The following DMRT2 variants were observed in gnomAD, a reference collection of about 807,000 sequenced individuals.
DMRT2 encodes doublesex- and mab-3-related transcription factor 2.
DMRT2 carries 33 observed loss-of-function variants against 43.5 expected under a neutral mutation model. The ratio of observed to expected loss-of-function variants is 0.76; its 90% CI spans 0.58 to 1.01. The LOEUF (loss-of-function observed/expected upper bound fraction) is 1.01. Ranked by LOEUF, DMRT2 falls within the 50% of genes least tolerant of loss-of-function variation. The probability of loss-of-function intolerance (pLI) is 0.00; values close to 1 mark genes in which losing one functional copy is unlikely to be tolerated. For synonymous variants in DMRT2, 395 were observed against 309.2 expected, an observed-to-expected ratio of 1.28 and a Z score of -2.91; for missense variants, 1,064 against 748.0, an observed-to-expected ratio of 1.42 and a Z score of -4.93.
At position 1,057,303 on chromosome 9, in the gene DMRT2, C is replaced by G. The variant is rs760926881; in HGVS notation, c.*30C>G. 5.7e-6 allele frequency: 9 copies of G among 1,580,996 alleles called. No homozygotes were observed. Among genetic ancestry groups the G allele is most frequent in the Non-Finnish European group, 6.9e-6 (8 of 1,166,848 alleles). On this transcript the variant is annotated 3_prime_UTR_variant, in exon 4 of 4. Coordinates refer to ENST00000358146, the MANE Select transcript of DMRT2 (RefSeq NM_181872.6). ...CTGCTTAAACAGAAAGCTGGATTTT[C>G]TGCAGTCTTAGAGCATTATAGCCAT...
Position 1,051,529 on chromosome 9 carries a change from C to A in DMRT2, c.-44-41C>A. ...CCGGAGGCTCAGGGATGGTCCCTGA[C>A]GGCGGCCGGTGGGTCTTTGGATTTC... On this transcript the variant is annotated intron_variant, in intron 1 of 3. Coordinates refer to ENST00000358146, the MANE Select transcript of DMRT2 (RefSeq NM_181872.6). The surrounding 1 kb of genome is among the most constrained non-coding windows in gnomAD (Gnocchi z 5.9). The A allele has an allele frequency of 1.4e-6, 2 of 1,424,662 alleles. No homozygotes were observed. Among genetic ancestry groups the A allele is most frequent in the Non-Finnish European group, 1.8e-6 (2 of 1,099,202 alleles). The allele number at this position is 1,424,662 out of a possible 1,614,324, so 88.3% of individuals were successfully genotyped here.
chr9:1,055,578 C>T (rs1466817417), intron 3 of DMRT2: 1 of 677,964 alleles, frequency 1.5e-6, no homozygotes, highest in African/African-American at 1.9e-5. Flanking sequence ...GGGAAGGGGC[C>T]TGGTTAAATT....
chr9:1,055,722 T>A, intron 3 of DMRT2: 1 of 1,492,932 alleles, frequency 6.7e-7, no homozygotes. Flanking sequence ...TTTTTCCTAG[T>A]TCTCCTTGGA....
At chr9:1,055,540 A>T (rs1332311404) in intron 3 of DMRT2, among the ~76,000 whole-genome samples, 1 of 138,964 alleles carries the variant, frequency 7.2e-6, no homozygotes, top group South Asian at 2.3e-4. Context: ...GTTTTATTTT[A>T]TTTTATTTTT....
At chr9:1,052,163 T>A in intron 2 of DMRT2, 25 bp downstream of exon 2, 1 of 1,344,058 alleles carries the variant, frequency 7.4e-7, no homozygotes. Context: ...GGCCCGGGCG[T>A]CTCAGGCCAC....
In DMRT2 at chr9:1,056,884, C is replaced by G. The variant is rs370513290; in HGVS notation, c.1297C>G (p.Arg433Gly). The change falls in exon 4 of 4, where the codon CGA becomes GGA. Residue 433 changes from arginine to glycine, a missense_variant. Transcript: ENST00000358146. ...AGAGAGGTCCGCGTTCTCCCCACCCCGACGGAATTTCTCTCCCATTGTTGA... is the reference window on the plus strand; with the variant it reads ...AGAGAGGTCCGCGTTCTCCCCACCCGGACGGAATTTCTCTCCCATTGTTGA... ...VPERSAFSPPRRNFSPIVDTD... is the reference protein window; with the variant it reads ...VPERSAFSPPGRNFSPIVDTD... 2 of 1,614,170 alleles carry G rather than the reference C, an allele frequency of 1.2e-6. No homozygotes were observed. Among genetic ancestry groups the G allele is most frequent in the Non-Finnish European group, 1.7e-6 (2 of 1,180,042 alleles).
rs1208693338 is a variant in DMRT2, at chr9:1,056,570, T to C, written c.983T>C (p.Val328Ala). 2 of 1,614,144 alleles carry C rather than the reference T, an allele frequency of 1.2e-6. No homozygotes were observed. Among genetic ancestry groups the C allele is most frequent in the Non-Finnish European group, 1.7e-6 (2 of 1,180,054 alleles). ...NMELISSNVS[V>A]ATTYRQYPLS... is the part of the protein sequence containing the mutation. Reference sequence around the variant, plus strand: ...GAACTAATTTCTTCTAATGTCAGCGTGGCCACAACTTATAGACAGTATCCC... The same window carrying C: ...GAACTAATTTCTTCTAATGTCAGCGCGGCCACAACTTATAGACAGTATCCC... The change falls in exon 4 of 4, where the codon GTG becomes GCG. Residue 328 changes from valine to alanine, a missense_variant. Val to Ala is a moderately conservative substitution (Grantham distance 64). Coordinates refer to ENST00000358146, the MANE Select transcript of DMRT2 (RefSeq NM_181872.6).
Position 1,057,082 on chromosome 9 carries a change from A to AC in DMRT2, c.1499dup (p.Lys501Ter). The AC allele has an allele frequency of 6.2e-7, 1 of 1,614,132 alleles. No homozygotes were observed. On this transcript the variant is annotated frameshift_variant, in exon 4 of 4. Coordinates refer to ENST00000358146, the MANE Select transcript of DMRT2 (RefSeq NM_181872.6). LOFTEE classifies it high-confidence loss of function. The stretch of plus-strand genomic sequence containing the variant: ...ATTTGTCAAAGAGGCCTTTGAAGAG[A>AC]CCCCTAAGAAACACAGAGAGTGTTT...
At position 1,051,987 on chromosome 9, in the gene DMRT2, G is replaced by A; in HGVS notation, c.374G>A (p.Arg125His). Reference protein sequence around the residue: ...RKLSRTPKCARCRNHGVVSCL... With the variant: ...RKLSRTPKCAHCRNHGVVSCL... ...CTGAGCCGCACGCCCAAGTGCGCGC[G>A]CTGCCGCAACCACGGCGTGGTGTCC... Residue 125 changes from arginine (R) to histidine (H), a missense_variant, in exon 2 of 4, where the codon CGC (arginine) becomes CAC (histidine). Physicochemically the swap from Arg to His is conservative, Grantham distance 29 (BLOSUM62 0). Transcript: ENST00000358146. The surrounding 1 kb of genome is among the most constrained non-coding windows in gnomAD (Gnocchi z 5.9). 3 of 1,445,944 alleles carry A rather than the reference G, an allele frequency of 2.1e-6. No individual in the cohort carries two copies. The highest frequency in any genetic ancestry group is 1.8e-6 in the Non-Finnish European group (2 of 1,105,298). The allele number at this position is 1,445,944 out of a possible 1,614,324, so 89.6% of individuals were successfully genotyped here.
intron 2 of DMRT2, 103 bp from the exon 3 acceptor site, chr9:1,053,619 G>T: frequency 5.1e-6 from 5 of 982,100 alleles, no homozygotes; most frequent in Non-Finnish European, 7.6e-6. Flanking sequence ...AATACATTTA[G>T]AAGGGGGAGA....
At position 1,051,567 on chromosome 9, in the gene DMRT2, C is replaced by T. The variant is rs115201086; in HGVS notation, c.-44-3C>T. ...GTCTTTGGATTTCTTTGTGTTTCCC[C>T]AGAGTGAGGGCCGCCAGGCTCAGGC... is the stretch of plus-strand genomic sequence containing the variant. On this transcript the variant is annotated splice_region_variant and splice_polypyrimidine_tract_variant and intron_variant, in intron 1 of 3. Transcript: ENST00000358146. The surrounding 1 kb of genome is among the most constrained non-coding windows in gnomAD (Gnocchi z 5.9). The T allele has an allele frequency of 0.019, 28,280 of 1,470,248 alleles. 300 individuals carry two copies. Among genetic ancestry groups the T allele is most frequent in the Admixed American group, 0.023 (911 of 39,088 alleles). The allele number at this position is 1,470,248 out of a possible 1,614,324, so 91.1% of individuals were successfully genotyped here. A position where few individuals can be genotyped will look rare whatever the true frequency, so the allele number is the denominator to read the frequency against.
chr9:1,055,545 A>ATT (rs34189983), intron 3 of DMRT2, among the ~76,000 whole-genome samples: 30 of 150,802 alleles, frequency 2.0e-4, no homozygotes, highest in African/African-American at 3.9e-4. Context: ...ATTTTATTTT[A>ATT]TTTTTTTTTG....
Position 1,051,799 on chromosome 9 carries a change from G to T in DMRT2, c.186G>T (p.Glu62Asp). 6.7e-7 allele frequency: 1 copy of T among 1,499,924 alleles called. No homozygotes were observed. The allele number at this position is 1,499,924 out of a possible 1,614,324, so 92.9% of individuals were successfully genotyped here. Reference protein sequence around the residue: ...DDGVDEDAEEEGDGEEAGASP... With the variant: ...DDGVDEDAEEDGDGEEAGASP... ...GGGTGGACGAAGACGCGGAAGAAGA[G>T]GGCGACGGCGAGGAGGCAGGCGCGT... Residue 62 changes from glutamate (E) to aspartate (D), a missense_variant, in exon 2 of 4, where the codon GAG becomes GAT. Coordinates refer to ENST00000358146, the MANE Select transcript of DMRT2 (RefSeq NM_181872.6). This position sits in a 1 kb window ranked among gnomAD's most constrained non-coding sequence, Gnocchi z 5.9.
At chr9:1,053,382 G>T (rs549201340) in intron 2 of DMRT2, among the ~76,000 whole-genome samples, 5 of 152,280 alleles carry the variant, frequency 3.3e-5, no homozygotes, top group Admixed American at 1.3e-4. Context: ...TCTTGAGGTC[G>T]GGTGCCCCCC....
Position 1,056,832 on chromosome 9 carries a change from T to A in DMRT2, c.1245T>A (p.Ser415Arg). ...CTCCTGAGATCCAGACCACGAGAAG[T>A]GACCTTCAGGGTCATCAGGCTGTCC... ...PHTPEIQTTR[S>R]DLQGHQAVPE... The change falls in exon 4 of 4, where the codon AGT (serine) becomes AGA (arginine). Residue 415 changes from serine (S) to arginine (R), a missense_variant. Coordinates refer to ENST00000358146, the MANE Select transcript of DMRT2 (RefSeq NM_181872.6). 2 of 1,614,116 alleles carry A rather than the reference T, an allele frequency of 1.2e-6. No homozygotes were observed. The highest frequency in any genetic ancestry group is 1.7e-6 in the Non-Finnish European group (2 of 1,180,022).
Position 1,056,817 on chromosome 9 carries a change from C to T in DMRT2, c.1230C>T (p.Ile410=), listed in dbSNP as rs1244323136. 6.2e-7 allele frequency: 1 copy of T among 1,614,148 alleles called. No homozygotes were observed. The highest frequency in any genetic ancestry group is 8.5e-7 in the Non-Finnish European group (1 of 1,180,034). ...TGGTGCTGCCTCACACTCCTGAGAT[C>T]CAGACCACGAGAAGTGACCTTCAGG... The part of the protein sequence containing the change: ...GSLVLPHTPE[I]QTTRSDLQGH... Residue 410 remains isoleucine (I), a synonymous_variant, in exon 4 of 4, where the codon ATC becomes ATT. Transcript: ENST00000358146.
At chr9:1,055,746 A>G (rs112564390) in intron 3 of DMRT2, 3 of 1,504,422 alleles carry the variant, frequency 2.0e-6, no homozygotes, top group Non-Finnish European at 2.7e-6. Context: ...TTCTACAGCT[A>G]TTATGTGTAC....
chr9:1,056,931 A>G lies in DMRT2; in HGVS notation c.1344A>G (p.Gln448=). Residue 448 remains glutamine, a synonymous_variant, in exon 4 of 4, where the codon CAA becomes CAG. Transcript: ENST00000358146. ...TTGACACGGACTCCCTGGCAGCTCA[A>G]GGGCATGTCTTAACGAAGATCAGCA... ...PIVDTDSLAA[Q]GHVLTKISKE... 6.2e-7 allele frequency: 1 copy of G among 1,614,196 alleles called. No homozygotes were observed. Among genetic ancestry groups the G allele is most frequent in the Non-Finnish European group, 8.5e-7 (1 of 1,180,030 alleles).
chr9:1,055,465 G>A (rs571727649), intron 3 of DMRT2, among the ~76,000 whole-genome samples: 2 of 152,188 alleles, frequency 1.3e-5, no homozygotes, highest in Non-Finnish European at 2.9e-5. Context: ...TAGAGCTTGG[G>A]AAGAATGTTT....
Sources: allele counts gnomAD v4.1 joint callset (sites outside exome capture counted in the v4.1 genomes callset), GRCh38; gene constraint gnomAD v4.1.1; non-coding constraint Gnocchi (gnomAD v3.1); transcripts MANE v1.5; gene names NCBI Gene and HGNC (gene_info 2026-07-23, HGNC 2026-07-21).